Variants in TTC28 observed in about 807,000 individuals in gnomAD.
TTC28 encodes tetratricopeptide repeat protein 28.
Under a neutral mutation model 198.0 loss-of-function variants are expected in TTC28, and 61 were observed. The ratio of observed to expected loss-of-function variants is 0.31; its 90% confidence interval spans 0.25 to 0.38. TTC28 has a LOEUF of 0.38. Among genes scored for constraint, TTC28 ranks in the 10% least tolerant of loss-of-function variants. The pLI is 1.00. For synonymous variants in TTC28, 1,171 were observed against 1,297.8 expected (o/e 0.90, Z 2.10); for missense variants, 2,678 against 3,164.0 (o/e 0.85, Z 3.69).
chr22:28,255,220 G>C (rs1231499918), intron 5 of TTC28, among the ~76,000 whole-genome samples: 1 of 151,968 alleles, frequency 6.6e-6, no homozygotes, highest in Non-Finnish European at 1.5e-5. Flanking sequence ...AGAGGGAGTA[G>C]ACACAATAAA....
intron 2 of TTC28, among the ~76,000 whole-genome samples, chr22:28,351,947 C>T (rs2046002885): frequency 6.6e-6 from 1 of 152,110 alleles, no homozygotes; most frequent in African/African-American, 2.4e-5. Context: ...ACTTACCTCC[C>T]TCTTTGGATC....
chr22:28,102,440 A>G (rs1256420415), intron 8 of TTC28, among the ~76,000 whole-genome samples: 1 of 152,248 alleles, frequency 6.6e-6, no homozygotes, highest in Non-Finnish European at 1.5e-5. Context: ...TCTGGGTTTC[A>G]GGACACCAGC....
intron 12 of TTC28, among the ~76,000 whole-genome samples, chr22:28,057,440 A>G (rs1241673688): frequency 6.6e-6 from 1 of 152,136 alleles, no homozygotes; most frequent in Non-Finnish European, 1.5e-5. Flanking sequence ...AACTTTTTAA[A>G]TCAAGTGTTT....
intron 2 of TTC28, among the ~76,000 whole-genome samples, chr22:28,491,261 G>A (rs534661284): frequency 1.3e-5 from 2 of 152,262 alleles, no homozygotes; most frequent in African/African-American, 2.4e-5. Flanking sequence ...TGACAAATGG[G>A]ATCTAATTAA....
chr22:28,297,887 G>A (rs2145785000), intron 3 of TTC28, 35 bp from the exon 4 acceptor site: 2 of 1,544,142 alleles, frequency 1.3e-6, no homozygotes, highest in East Asian at 4.9e-5. Context: ...AACATAACAG[G>A]AGAATGTAGG....
At chr22:28,591,040 CATATATATAT>C (rs377761638) in intron 2 of TTC28, among the ~76,000 whole-genome samples, 2,046 of 30,390 alleles carry the variant, frequency 0.067, 54 homozygotes, top group Non-Finnish European at 0.088. Context: ...CACACACACA[CATATATATAT>C]ATATATATAT....
chr22:28,416,981 A>C (rs1031364949), intron 2 of TTC28, among the ~76,000 whole-genome samples: 3 of 152,182 alleles, frequency 2.0e-5, no homozygotes, highest in Non-Finnish European at 4.4e-5. Flanking sequence ...TTTGCAAGCG[A>C]GTTTCTTTTA....
At chr22:28,158,612 A>G (rs575686785) in intron 6 of TTC28, among the ~76,000 whole-genome samples, 61 of 152,324 alleles carry the variant, frequency 4.0e-4, no homozygotes, top group Non-Finnish European at 7.3e-4. Context: ...AAATCCACAC[A>G]CCAACAGTGA....
chr22:28,637,004 GTTTT>G (rs35849354), intron 1 of TTC28, among the ~76,000 whole-genome samples: 1 of 97,304 alleles, frequency 1.0e-5, no homozygotes, highest in Admixed American at 1.2e-4. Flanking sequence ...CAGGTCTTCA[GTTTT>G]TTTTTTTTTT....
chr22:27,985,467 T>C, intron 21 of TTC28, 111 bp from the exon 22 acceptor site: 1 of 843,550 alleles, frequency 1.2e-6, no homozygotes, highest in Non-Finnish European at 1.8e-6. Flanking sequence ...GCAAGGCCCT[T>C]CAGCAAGCAT....
chr22:28,368,621 T>C (rs1208345112), intron 2 of TTC28, among the ~76,000 whole-genome samples: 1 of 152,074 alleles, frequency 6.6e-6, no homozygotes, highest in East Asian at 1.9e-4. Context: ...TGTTTGCAGA[T>C]GATATGATCT....
intron 1 of TTC28, among the ~76,000 whole-genome samples, chr22:28,630,485 G>A (rs979434681): frequency 6.6e-6 from 1 of 151,964 alleles, no homozygotes; most frequent in African/African-American, 2.4e-5. Flanking sequence ...TGTTTTTGTT[G>A]TTGTTGTTTT....
intron 14 of TTC28, among the ~76,000 whole-genome samples, chr22:28,003,904 C>T (rs945248993): frequency 6.6e-6 from 1 of 152,242 alleles, no homozygotes; most frequent in Non-Finnish European, 1.5e-5. Flanking sequence ...CCTCGACTTT[C>T]CCATCAGCCA....
chr22:28,337,662 C>T (rs1458201556), intron 2 of TTC28, among the ~76,000 whole-genome samples: 1 of 152,148 alleles, frequency 6.6e-6, no homozygotes, highest in Non-Finnish European at 1.5e-5. Flanking sequence ...AGGATTGCAA[C>T]ACCTGCCTTT....
At chr22:28,340,821 T>C (rs2045816975) in intron 2 of TTC28, among the ~76,000 whole-genome samples, 1 of 152,204 alleles carries the variant, frequency 6.6e-6, no homozygotes, top group Non-Finnish European at 1.5e-5. Context: ...AATTGATTTA[T>C]ACATACAGGA....
chr22:28,172,675 C>A (rs932951089), intron 5 of TTC28, among the ~76,000 whole-genome samples: 1 of 152,204 alleles, frequency 6.6e-6, no homozygotes, highest in Non-Finnish European at 1.5e-5. Context: ...CTGGCATCCT[C>A]CAGTTACCAG....
chr22:28,530,468 C>G (rs1159727905), intron 2 of TTC28, among the ~76,000 whole-genome samples: 1 of 152,152 alleles, frequency 6.6e-6, no homozygotes, highest in Non-Finnish European at 1.5e-5. Context: ...AGAATGGAAC[C>G]AAGTTGGAAA....
chr22:28,517,480 T>C (rs896886026), intron 2 of TTC28, among the ~76,000 whole-genome samples: 7 of 152,148 alleles, frequency 4.6e-5, no homozygotes, highest in Non-Finnish European at 1.0e-4. Flanking sequence ...GAAAAATCTT[T>C]ACAAAAGATA....
Position 27,983,190 on chromosome 22 carries a change from T to C in TTC28, c.6477A>G (p.Pro2159=), listed in dbSNP as rs756843815. The C allele has an allele frequency of 1.2e-5, 18 of 1,551,754 alleles. No individual in the cohort carries two copies. Among genetic ancestry groups the C allele is most frequent in the South Asian group, 3.6e-5 (3 of 84,070 alleles). Reference sequence around the variant, plus strand: ...CCAGAATTTTCTGGGCTAACTCTTGTGGATCCAGTTTTGGGTTGCTTTCTT... The same window carrying C: ...CCAGAATTTTCTGGGCTAACTCTTGCGGATCCAGTTTTGGGTTGCTTTCTT... ...SQEESNPKLD[P]QELAQKILEE... Residue 2159 remains proline (P), a synonymous_variant, in exon 23 of 23, where the codon CCA becomes CCG. Coordinates refer to ENST00000397906, the MANE Select transcript of TTC28 (RefSeq NM_001145418.2).
Sources: gnomAD v4.1 joint callset for allele counts (sites outside exome capture counted in the v4.1 genomes callset) on GRCh38, gnomAD v4.1.1 for gene constraint, MANE v1.5 for transcripts, NCBI Gene and HGNC (gene_info 2026-07-23, HGNC 2026-07-21) for gene names.